TENM2: variants seen among roughly 807,000 people sequenced by gnomAD.
The protein encoded by TENM2 is teneurin transmembrane protein 2, also known as teneurin-2.
In TENM2, 52 loss-of-function variants were observed where a neutral mutation model predicts 245.2. That is an observed-to-expected ratio of 0.21 (90% CI 0.17 to 0.27). TENM2 has a LOEUF of 0.27. Among genes scored for constraint, TENM2 ranks in the 10% least tolerant of loss-of-function variants. The probability of loss-of-function intolerance (pLI) is 1.00; values close to 1 mark genes in which losing one functional copy is unlikely to be tolerated. For missense variants in TENM2, 3,046 were observed against 3,666.8 expected (o/e 0.83, Z 4.37); for synonymous variants, 1,363 against 1,438.9 (o/e 0.95, Z 1.19).
intron 2 of TENM2, among the ~76,000 whole-genome samples, chr5:167,624,352 AT>A (rs1778367351): frequency 6.6e-6 from 1 of 152,194 alleles, no homozygotes; most frequent in Non-Finnish European, 1.5e-5. Flanking sequence ...CTTATTGATA[AT>A]TGAGAGCTAA....
intron 2 of TENM2, among the ~76,000 whole-genome samples, chr5:167,612,988 A>T (rs1451716634): frequency 6.6e-6 from 1 of 152,178 alleles, no homozygotes; most frequent in Non-Finnish European, 1.5e-5. Flanking sequence ...GTGAATAAAA[A>T]TTTCCTGTTG....
chr5:168,192,927 T>C (rs1041295806), intron 14 of TENM2, among the ~76,000 whole-genome samples: 1 of 152,216 alleles, frequency 6.6e-6, no homozygotes, highest in Non-Finnish European at 1.5e-5. Context: ...TTTCCTGATA[T>C]TCTCCCTTTC....
At chr5:167,985,431 C>T (rs924764238) in intron 4 of TENM2, among the ~76,000 whole-genome samples, 2 of 152,158 alleles carry the variant, frequency 1.3e-5, no homozygotes, top group South Asian at 4.1e-4. Context: ...TTTTTGCACA[C>T]AGCGCTACGT....
At chr5:167,680,141 C>T (rs548299391) in intron 2 of TENM2, among the ~76,000 whole-genome samples, 84 of 152,088 alleles carry the variant, frequency 5.5e-4, no homozygotes, top group African/African-American at 1.9e-3. Context: ...TTTAATTCAT[C>T]GCTCCATCTT....
At chr5:168,234,617 AC>A (rs1167843349) in intron 25 of TENM2, among the ~76,000 whole-genome samples, 2 of 152,144 alleles carry the variant, frequency 1.3e-5, no homozygotes, top group African/African-American at 4.8e-5. Flanking sequence ...ATTGCCTCCC[AC>A]CCCAACAAGC....
chr5:167,233,069 G>A, the TENM2 span, among the ~76,000 whole-genome samples: 1 of 152,174 alleles, frequency 6.6e-6, no homozygotes, highest in Non-Finnish European at 1.5e-5. Flanking sequence ...CATATGCTAA[G>A]TGCCAAATCA....
intron 1 of TENM2, chr5:167,296,407 C>T (rs770174879): frequency 6.6e-6 from 1 of 152,188 alleles, no homozygotes; most frequent in East Asian, 1.9e-4. Context: ...AATGAAAGCA[C>T]TGAATTTGTT....
intron 2 of TENM2, among the ~76,000 whole-genome samples, chr5:167,820,002 C>G (rs1297913145): frequency 6.6e-6 from 1 of 152,174 alleles, no homozygotes; most frequent in Non-Finnish European, 1.5e-5. Flanking sequence ...ATTGCCTCAA[C>G]TTTGCTGCTT....
At chr5:168,190,768 C>T in intron 14 of TENM2, 1 of 448,062 alleles carries the variant, frequency 2.2e-6, no homozygotes, top group Non-Finnish European at 4.0e-6. Flanking sequence ...ACATCTTTAA[C>T]CCAGAACCTG....
rs2152692491 is a variant in TENM2 at position 168,247,896 on chromosome 5, G to A, written c.6957G>A (p.Leu2319=). The change falls in exon 27 of 29, where the codon CTG becomes CTA. Residue 2319 remains leucine (L), a synonymous_variant. Coordinates refer to ENST00000518659, the Ensembl canonical transcript of TENM2. This position sits in a 1 kb window ranked among gnomAD's most constrained non-coding sequence, Gnocchi z 7.8. ...ACAAGACCAACCTGGGCCACCACCT[G>A]CAGTACTTCTACTCTGACCTCCACA... 1.2e-6 allele frequency: 2 copies of A among 1,613,922 alleles called. No homozygotes were observed. Among genetic ancestry groups the A allele is most frequent in the East Asian group, 2.2e-5 (1 of 44,876 alleles).
At chr5:168,107,885 G>C (rs1295943472) in intron 9 of TENM2, among the ~76,000 whole-genome samples, 1 of 152,198 alleles carries the variant, frequency 6.6e-6, no homozygotes, top group Non-Finnish European at 1.5e-5. Flanking sequence ...GCAGTCACCT[G>C]GGCTTGGCAA....
Position 168,047,543 on chromosome 5 carries a change from G to A in TENM2, c.1303G>A (p.Gly435Ser), listed in dbSNP as rs1359378253. ...TGATGTGGCAACAATGCCATCTGGA[G>A]GCAAAGGTGAGGTTACAGCTGCTGC... The change falls in exon 6 of 29, where the codon GGC becomes AGC. Residue 435 changes from glycine (G) to serine (S), a missense_variant. Physicochemically the swap from Gly to Ser is moderately conservative, Grantham distance 56 (BLOSUM62 0). Coordinates refer to ENST00000518659, the Ensembl canonical transcript of TENM2. The A allele has an allele frequency of 1.0e-5, 16 of 1,551,708 alleles. No individual in the cohort carries two copies. The highest frequency in any genetic ancestry group is 1.4e-5 in the Non-Finnish European group (16 of 1,146,972).
chr5:167,916,257 C>G (rs1035520359), intron 3 of TENM2, among the ~76,000 whole-genome samples: 2 of 152,182 alleles, frequency 1.3e-5, no homozygotes, highest in African/African-American at 4.8e-5. Context: ...TCTTTCTATC[C>G]TGGATGTCCA....
intron 2 of TENM2, among the ~76,000 whole-genome samples, chr5:167,730,865 C>T (rs1415064370): frequency 6.6e-6 from 1 of 152,180 alleles, no homozygotes; most frequent in Non-Finnish European, 1.5e-5. Context: ...ATTTATGCAA[C>T]ATGAACTGCA....
intron 1 of TENM2, among the ~76,000 whole-genome samples, chr5:167,329,954 A>C (rs1757341937): frequency 6.6e-6 from 1 of 152,146 alleles, no homozygotes; most frequent in East Asian, 1.9e-4. Flanking sequence ...AGTACCATTT[A>C]TTATAAAACA....
chr5:167,837,444 A>G (rs1185783392), intron 2 of TENM2, among the ~76,000 whole-genome samples: 1 of 152,074 alleles, frequency 6.6e-6, no homozygotes, highest in Non-Finnish European at 1.5e-5. Flanking sequence ...GACTTCCCAT[A>G]TTTTTCCCAG....
chr5:167,867,496 T>A, intron 2 of TENM2, among the ~76,000 whole-genome samples: 1 of 152,154 alleles, frequency 6.6e-6, no homozygotes, highest in East Asian at 1.9e-4. Context: ...AAATTATGCA[T>A]AAGAGCTTGT....
the TENM2 span, among the ~76,000 whole-genome samples, chr5:167,096,444 C>G: frequency 6.6e-6 from 1 of 152,286 alleles, no homozygotes; most frequent in Admixed American, 6.5e-5. Context: ...ACGGTGGCCC[C>G]GATGAGTCCC....
chr5:167,086,923 ACACACG>A, the TENM2 span, among the ~76,000 whole-genome samples: 9,908 of 67,110 alleles, frequency 0.15, 445 homozygotes, highest in African/African-American at 0.28. Flanking sequence ...ACTCTAACAC[ACACACG>A]CACACACACA....
Sources: gnomAD v4.1 joint callset for allele counts (sites outside exome capture counted in the v4.1 genomes callset) on GRCh38, gnomAD v4.1.1 for gene constraint, Gnocchi (gnomAD v3.1) non-coding constraint, MANE v1.5 for transcripts, NCBI Gene and HGNC (gene_info 2026-07-23, HGNC 2026-07-21) for gene names.